GABBR2: variants seen among roughly 807,000 people sequenced by gnomAD.
GABBR2 encodes the protein gamma-aminobutyric acid type B receptor subunit 2.
Under a neutral mutation model 105.6 loss-of-function variants are expected in GABBR2, and 23 were observed. The ratio of observed to expected loss-of-function variants is 0.22; its 90% CI spans 0.16 to 0.31. The LOEUF (loss-of-function observed/expected upper bound fraction) is 0.31, where lower values mean the gene tolerates loss of function less well. GABBR2 is among the 10% of genes least tolerant of loss of function. GABBR2 has a pLI of 1.00. For missense variants in GABBR2, 734 were observed against 1,245.5 expected, an observed-to-expected ratio of 0.59 and a Z score of 6.18; for synonymous variants, 478 against 499.7, an observed-to-expected ratio of 0.96 and a Z score of 0.58.
intron 8 of GABBR2, among the ~76,000 whole-genome samples, chr9:98,402,754 C>T (rs1424557077): frequency 6.6e-6 from 1 of 152,150 alleles, no homozygotes; most frequent in Non-Finnish European, 1.5e-5. Context: ...TATTTATCCT[C>T]CCCTTCTCAT....
intron 15 of GABBR2, among the ~76,000 whole-genome samples, chr9:98,305,607 G>C (rs1830538292): frequency 6.6e-6 from 1 of 152,202 alleles, no homozygotes; most frequent in African/African-American, 2.4e-5. Context: ...TTGAGCCCAG[G>C]AGTCCAAGAC....
At position 98,361,937 on chromosome 9, in the gene GABBR2, A is replaced by G. The variant is rs1039283511; in HGVS notation, c.1893+778T>C. 4.3e-4 allele frequency among the ~76,000 whole-genome samples: 65 copies of G among 152,224 alleles called. 1 individual carries two copies. The highest frequency in any genetic ancestry group is 1.9e-4 in the East Asian group (1 of 5,204). ...TCTGCCCTCAGTGCATAGAATGACC[A>G]TTTCTGGTTTAGTGTAAGAATTCAC... is the stretch of plus-strand genomic sequence containing the variant. On this transcript the variant is annotated intron_variant, in intron 13 of 18. Coordinates refer to ENST00000259455, the MANE Select transcript of GABBR2 (RefSeq NM_005458.8).
rs545719253 is a variant in GABBR2, at chr9:98,666,046, A to G, written c.321+42371T>C. ...CAGATCCTACATAACATCACCTCAAACCAAGGAAACTGCATGAGAGCAAAG... is the reference window on the plus strand; with the variant it reads ...CAGATCCTACATAACATCACCTCAAGCCAAGGAAACTGCATGAGAGCAAAG... On this transcript the variant is annotated intron_variant, in intron 1 of 18. Coordinates refer to ENST00000259455, the MANE Select transcript of GABBR2 (RefSeq NM_005458.8). Among the ~76,000 whole-genome samples, 16 of 152,280 alleles carry G rather than the reference A, an allele frequency of 1.1e-4. No homozygotes were observed. In the South Asian group the frequency reaches 1.7e-3, roughly 16 times the overall value.
intron 6 of GABBR2, among the ~76,000 whole-genome samples, chr9:98,465,854 T>C (rs1826538718): frequency 6.6e-6 from 1 of 152,248 alleles, no homozygotes. Flanking sequence ...TTCCCTGGTA[T>C]GGTTTGCATT....
At chr9:98,625,211 G>T (rs764847849) in intron 1 of GABBR2, among the ~76,000 whole-genome samples, 1 of 152,210 alleles carries the variant, frequency 6.6e-6, no homozygotes, top group East Asian at 1.9e-4. Context: ...CCAAAGGCAC[G>T]CTTGTGCTCC....
chr9:98,389,807 C>A (rs145686780), intron 9 of GABBR2, among the ~76,000 whole-genome samples: 1 of 152,160 alleles, frequency 6.6e-6, no homozygotes, highest in Non-Finnish European at 1.5e-5. Context: ...CAGCTTCCTG[C>A]GAATCCCTCT....
intron 1 of GABBR2, among the ~76,000 whole-genome samples, chr9:98,589,984 C>T (rs1468547187): frequency 6.6e-6 from 1 of 152,184 alleles, no homozygotes; most frequent in Non-Finnish European, 1.5e-5. Flanking sequence ...CCACCTTGGC[C>T]TTCCAAAGTG....
intron 1 of GABBR2, among the ~76,000 whole-genome samples, chr9:98,650,381 C>A (rs1385442402): frequency 3.9e-5 from 6 of 152,272 alleles, no homozygotes; most frequent in Non-Finnish European, 8.8e-5. Flanking sequence ...ATAGGGTTAA[C>A]TCCATTTACA....
intron 3 of GABBR2, among the ~76,000 whole-genome samples, chr9:98,498,112 C>CG (rs1564093470): frequency 1.3e-5 from 2 of 151,896 alleles, no homozygotes; most frequent in African/African-American, 4.8e-5. Context: ...CATCATGCTA[C>CG]ATGAAATAAG....
Position 98,394,251 on chromosome 9 carries a change from G to A in GABBR2, c.1302C>T (p.Ser434=). The change falls in exon 9 of 19, where the codon AGC becomes AGT. Residue 434 remains serine, a synonymous_variant. Transcript: ENST00000259455. ...GTIKFTQFQD[S]REVKVGEYNA... ...TGTACTCTCCCACCTTCACCTCCCT[G>A]CTGTCTGTGGGGAGCAAAAGACAGT... 6.2e-7 allele frequency: 1 copy of A among 1,610,650 alleles called. No individual in the cohort carries two copies. Among genetic ancestry groups the A allele is most frequent in the Non-Finnish European group, 8.5e-7 (1 of 1,176,874 alleles).
intron 1 of GABBR2, among the ~76,000 whole-genome samples, chr9:98,585,505 T>C (rs4556199): frequency 2.5e-5 from 3 of 117,888 alleles, no homozygotes; most frequent in African/African-American, 3.2e-5. Flanking sequence ...GTGGGGGGAG[T>C]GGGGAGGGAT....
intron 7 of GABBR2, among the ~76,000 whole-genome samples, chr9:98,451,916 G>A (rs1278449653): frequency 6.6e-6 from 1 of 152,144 alleles, no homozygotes; most frequent in African/African-American, 2.4e-5. Flanking sequence ...TTCAAGGCAT[G>A]GGTCAAATGC....
intron 1 of GABBR2, among the ~76,000 whole-genome samples, chr9:98,637,494 T>C (rs930517030): frequency 7.9e-5 from 12 of 152,160 alleles, no homozygotes; most frequent in Non-Finnish European, 1.8e-4. Flanking sequence ...AGATTGAAGA[T>C]AAAATTAAGG....
intron 2 of GABBR2, among the ~76,000 whole-genome samples, chr9:98,549,691 C>G (rs539337078): frequency 9.2e-5 from 14 of 152,292 alleles, no homozygotes; most frequent in African/African-American, 3.1e-4. Flanking sequence ...CCTGCTTGCC[C>G]CAGTCTGTAG....
chr9:98,536,698 T>C (rs1285361134), intron 3 of GABBR2, among the ~76,000 whole-genome samples: 4 of 152,140 alleles, frequency 2.6e-5, no homozygotes, highest in Non-Finnish European at 5.9e-5. Context: ...TCGGTACTTA[T>C]GCCCCTCTTC....
intron 3 of GABBR2, among the ~76,000 whole-genome samples, chr9:98,503,260 C>A (rs1023139396): frequency 6.6e-6 from 1 of 152,116 alleles, no homozygotes; most frequent in African/African-American, 2.4e-5. Context: ...AATGTCCTAG[C>A]GGGCTTAATG....
chr9:98,370,816 G>A (rs561562455), intron 12 of GABBR2, among the ~76,000 whole-genome samples: 1 of 152,268 alleles, frequency 6.6e-6, no homozygotes, highest in East Asian at 1.9e-4. Context: ...TCAAGGTCTG[G>A]CAACATCATA....
chr9:98,543,903 A>T (rs1414479321), intron 2 of GABBR2, among the ~76,000 whole-genome samples: 1 of 151,868 alleles, frequency 6.6e-6, no homozygotes, highest in Non-Finnish European at 1.5e-5. Flanking sequence ...TGAATTTATC[A>T]GTTTTTTTCC....
intron 6 of GABBR2, among the ~76,000 whole-genome samples, chr9:98,472,214 C>A (rs1423085385): frequency 6.6e-6 from 1 of 152,166 alleles, no homozygotes; most frequent in Non-Finnish European, 1.5e-5. Context: ...ATTTTGGCTG[C>A]TGTTCAGAAT....
Sources: allele counts gnomAD v4.1 joint callset (sites outside exome capture counted in the v4.1 genomes callset), GRCh38; gene constraint gnomAD v4.1.1; transcripts MANE v1.5; gene names NCBI Gene and HGNC (gene_info 2026-07-23, HGNC 2026-07-21).